Variants in VTA1 observed in about 807,000 individuals in gnomAD.
VTA1 encodes vesicle trafficking 1.
A neutral mutation model predicts 36.9 loss-of-function variants in VTA1; 24 were observed. The observed-to-expected ratio is 0.65, with a 90% CI of 0.47 to 0.91. The LOEUF is 0.91. Among genes scored for constraint, VTA1 ranks in the 40% least tolerant of loss-of-function variants. The pLI, the probability that VTA1 is intolerant of heterozygous loss-of-function variation, is 0.00. For synonymous variants in VTA1, 142 were observed against 130.2 expected (o/e 1.09, Z -0.62); for missense variants, 393 against 377.2 (o/e 1.04, Z -0.35).
chr6:142,178,851 T>C (rs1349326674), intron 4 of VTA1, among the ~76,000 whole-genome samples: 1 of 152,032 alleles, frequency 6.6e-6, no homozygotes, highest in East Asian at 1.9e-4. Flanking sequence ...ATACTGTTTC[T>C]AAGAGATACT....
chr6:142,164,598 A>T (rs545037129), intron 1 of VTA1, among the ~76,000 whole-genome samples: 5 of 152,262 alleles, frequency 3.3e-5, no homozygotes, highest in Middle Eastern at 3.4e-3. Context: ...TTTAAAGAGA[A>T]TTTTTGACAT....
At chr6:142,216,599 TTC>T (rs1445815820) in intron 7 of VTA1, among the ~76,000 whole-genome samples, 1 of 152,222 alleles carries the variant, frequency 6.6e-6, no homozygotes, top group Non-Finnish European at 1.5e-5. Context: ...AGTTATATTT[TTC>T]TGTTAATTTC....
Position 142,224,342 on chromosome 6 carries a change from C to A in VTA1, c.*5699C>A, listed in dbSNP as rs559818457. ...TGTGATATAGGGGATATTCGGAGTC[C>A]TCTGAGACGGGACAAGGACACTGGA... On this transcript the variant is annotated 3_prime_UTR_variant, in exon 8 of 8. Transcript: ENST00000367630. 2.6e-5 allele frequency: 4 copies of A among 152,274 alleles called. No homozygotes were observed. Among genetic ancestry groups the A allele is most frequent in the African/African-American group, 4.8e-5 (2 of 41,542 alleles). 9.4% of individuals were successfully genotyped at this position (152,274 alleles called of 1,614,324 possible).
chr6:142,153,838 T>G (rs1205050030), intron 1 of VTA1, among the ~76,000 whole-genome samples: 1 of 152,106 alleles, frequency 6.6e-6, no homozygotes, highest in East Asian at 1.9e-4. Flanking sequence ...TCTTTTGAAA[T>G]AGTTGTAGGT....
At chr6:142,191,443 C>G (rs770514123) in intron 5 of VTA1, among the ~76,000 whole-genome samples, 1 of 152,062 alleles carries the variant, frequency 6.6e-6, no homozygotes, top group African/African-American at 2.4e-5. Flanking sequence ...TTGATTATCA[C>G]GTTGATCTGT....
At chr6:142,202,174 T>G (rs1260791825) in intron 6 of VTA1, among the ~76,000 whole-genome samples, 1 of 151,880 alleles carries the variant, frequency 6.6e-6, no homozygotes, top group Non-Finnish European at 1.5e-5. Flanking sequence ...TAATATATAT[T>G]TATGTGCCTT....
intron 7 of VTA1, among the ~76,000 whole-genome samples, chr6:142,205,818 T>C (rs225693): frequency 0.43 from 65,308 of 151,846 alleles, 15,037 homozygotes; most frequent in Middle Eastern, 0.56. Context: ...AAAAGTGAAC[T>C]AAAACATCTA....
intron 5 of VTA1, among the ~76,000 whole-genome samples, chr6:142,197,661 G>A (rs547266391): frequency 3.9e-5 from 6 of 152,198 alleles, no homozygotes; most frequent in South Asian, 2.1e-4. Flanking sequence ...GCTAGTACGC[G>A]GTAAATCTTA....
chr6:142,202,694 T>C (rs1244804901), intron 6 of VTA1, among the ~76,000 whole-genome samples: 1 of 151,936 alleles, frequency 6.6e-6, no homozygotes, highest in Non-Finnish European at 1.5e-5. Context: ...GACATATATA[T>C]AGATTGGATT....
intron 5 of VTA1, among the ~76,000 whole-genome samples, chr6:142,192,959 T>C (rs957532912): frequency 2.0e-5 from 3 of 152,102 alleles, no homozygotes; most frequent in African/African-American, 4.8e-5. Flanking sequence ...TCGAGAAGTA[T>C]AGTATTTATT....
At chr6:142,197,102 T>C (rs1775566232) in intron 5 of VTA1, among the ~76,000 whole-genome samples, 1 of 152,180 alleles carries the variant, frequency 6.6e-6, no homozygotes, top group Non-Finnish European at 1.5e-5. Flanking sequence ...TTACCCTTAC[T>C]CTCATTTCTA....
intron 3 of VTA1, among the ~76,000 whole-genome samples, chr6:142,169,917 C>G (rs1774996616): frequency 5.3e-5 from 8 of 152,020 alleles, no homozygotes; most frequent in Admixed American, 5.2e-4. Flanking sequence ...CTCTACTTAG[C>G]TATTTTTTAA....
At chr6:142,165,484 T>A (rs1774895074) in intron 1 of VTA1, among the ~76,000 whole-genome samples, 1 of 152,222 alleles carries the variant, frequency 6.6e-6, no homozygotes, top group South Asian at 2.1e-4. Context: ...GCACAACAGT[T>A]GTAATGAAAA....
chr6:142,193,922 T>C (rs2114669213), intron 5 of VTA1, among the ~76,000 whole-genome samples: 1 of 152,208 alleles, frequency 6.6e-6, no homozygotes, highest in East Asian at 1.9e-4. Context: ...GATATTACAC[T>C]GGTCCATTAT....
intron 4 of VTA1, among the ~76,000 whole-genome samples, chr6:142,187,912 CTTT>C (rs58131768): frequency 6.6e-5 from 8 of 120,680 alleles, no homozygotes; most frequent in Admixed American, 2.7e-4. Flanking sequence ...TACTTTCTTT[CTTT>C]TTTTTTTTTT....
chr6:142,196,218 A>T (rs191343638), intron 5 of VTA1, among the ~76,000 whole-genome samples: 1 of 152,062 alleles, frequency 6.6e-6, no homozygotes, highest in Non-Finnish European at 1.5e-5. Flanking sequence ...AAAGTTAGCC[A>T]CCCCAGCTTT....
chr6:142,163,156 G>A (rs1056920781), intron 1 of VTA1, among the ~76,000 whole-genome samples: 6 of 152,126 alleles, frequency 3.9e-5, no homozygotes, highest in Non-Finnish European at 7.4e-5. Flanking sequence ...AGTACCCTAT[G>A]TTAGTACACC....
chr6:142,200,674 A>G (rs370711351), intron 6 of VTA1, among the ~76,000 whole-genome samples: 2 of 152,152 alleles, frequency 1.3e-5, no homozygotes, highest in South Asian at 4.1e-4. Context: ...TAGAATATTC[A>G]TGACATAAAG....
At chr6:142,199,492 C>T (rs2114674669) in intron 6 of VTA1, among the ~76,000 whole-genome samples, 1 of 152,240 alleles carries the variant, frequency 6.6e-6, no homozygotes, top group Admixed American at 6.5e-5. Context: ...TGATAGTCAT[C>T]CTTCATGCCC....
Sources: gnomAD v4.1 joint callset for allele counts (sites outside exome capture counted in the v4.1 genomes callset) on GRCh38, gnomAD v4.1.1 for gene constraint, MANE v1.5 for transcripts, NCBI Gene and HGNC (gene_info 2026-07-23, HGNC 2026-07-21) for gene names.